Variants in TRDMT1 observed in about 807,000 individuals in gnomAD.
TRDMT1 encodes the protein tRNA aspartic acid methyltransferase 1.
TRDMT1 carries 49 observed loss-of-function variants against 51.2 expected under a neutral mutation model. The ratio of observed to expected loss-of-function variants is 0.96; its 90% CI spans 0.76 to 1.21. The LOEUF (loss-of-function observed/expected upper bound fraction) is 1.21, where lower values mean the gene tolerates loss of function less well. TRDMT1 is among the 50% of genes most tolerant of loss of function. TRDMT1 has a pLI of 0.00. For missense variants in TRDMT1, 534 were observed against 462.3 expected, an observed-to-expected ratio of 1.16 and a Z score of -1.42; for synonymous variants, 187 against 164.6, an observed-to-expected ratio of 1.14 and a Z score of -1.04.
chr10:17,183,668 C>T (rs763620824), intron 1 of TRDMT1, among the ~76,000 whole-genome samples: 1 of 152,174 alleles, frequency 6.6e-6, no homozygotes, highest in Non-Finnish European at 1.5e-5. Context: ...CCACCTGCCT[C>T]GGCCTCCCAA....
At chr10:17,154,783 G>T in intron 8 of TRDMT1, 49 bp from the exon 9 acceptor site, 1 of 1,488,580 alleles carries the variant, frequency 6.7e-7, no homozygotes, top group Non-Finnish European at 9.2e-7. Flanking sequence ...ATGTGTTAAT[G>T]CTAAATTTCT....
intron 3 of TRDMT1, among the ~76,000 whole-genome samples, chr10:17,168,416 T>C (rs1421481390): frequency 6.6e-6 from 1 of 152,226 alleles, no homozygotes; most frequent in Non-Finnish European, 1.5e-5. Flanking sequence ...TGTCCATGTT[T>C]GACACTACAG....
intron 7 of TRDMT1, among the ~76,000 whole-genome samples, chr10:17,158,275 TGGGAAAA>T (rs1564569119): frequency 1.3e-5 from 2 of 152,122 alleles, no homozygotes; most frequent in Non-Finnish European, 2.9e-5. Flanking sequence ...ATGAGTCCTA[TGGGAAAA>T]ACTTGTTTCT....
intron 10 of TRDMT1, chr10:17,151,385 G>A (rs912617847): frequency 3.8e-5 from 37 of 984,244 alleles, no homozygotes; most frequent in African/African-American, 1.0e-4. Flanking sequence ...GCCCGCTACC[G>A]CAGAATACAC....
Position 17,143,985 on chromosome 10 carries a change from A to C in TRDMT1, c.*5055T>G. 1.0e-6 allele frequency: 1 copy of C among 985,470 alleles called. No homozygotes were observed. Among genetic ancestry groups the C allele is most frequent in the Non-Finnish European group, 1.2e-6 (1 of 829,944 alleles). 61.0% of individuals were successfully genotyped at this position (985,470 alleles called of 1,614,324 possible). ...AAAAATGTCCCAGCATGAAGATTCT[A>C]GAATAGGACTTAGGAAAACAGCAGA... On this transcript the variant is annotated 3_prime_UTR_variant, in exon 11 of 11. Coordinates refer to ENST00000377799, the MANE Select transcript of TRDMT1 (RefSeq NM_004412.7).
chr10:17,154,557 A>G, intron 9 of TRDMT1, 120 bp downstream of exon 9: 1 of 522,568 alleles, frequency 1.9e-6, no homozygotes, highest in Non-Finnish European at 3.1e-6. Context: ...ATACATATGA[A>G]TGAATAAAAT....
chr10:17,193,864 G>A (rs1384218138), intron 1 of TRDMT1, among the ~76,000 whole-genome samples: 1 of 152,118 alleles, frequency 6.6e-6, no homozygotes, highest in Non-Finnish European at 1.5e-5. Flanking sequence ...GCAATCCTAA[G>A]CAAAAAGAAC....
intron 5 of TRDMT1, among the ~76,000 whole-genome samples, chr10:17,160,951 C>T (rs1022895733): frequency 2.0e-5 from 3 of 151,736 alleles, no homozygotes; most frequent in Middle Eastern, 3.4e-3. Context: ...GTCAGAATTG[C>T]TAATCTAGTG....
At chr10:17,178,677 G>GAA (rs3054721) in intron 1 of TRDMT1, among the ~76,000 whole-genome samples, 13 of 104,024 alleles carry the variant, frequency 1.2e-4, no homozygotes, top group African/African-American at 3.2e-4. Context: ...CTCTGTCTCG[G>GAA]AAAAAAAAAA....
Position 17,201,652 on chromosome 10 carries a change from C to T in TRDMT1, c.-18G>A. The T allele has an allele frequency of 6.5e-7, 1 of 1,539,138 alleles. No homozygotes were observed. Reference sequence around the variant, plus strand: ...GGCTCCATCCCCGCGCCTCAGCCGCCGCAGCCCCGGAGCTAGGCCTGCCGG... The same window carrying T: ...GGCTCCATCCCCGCGCCTCAGCCGCTGCAGCCCCGGAGCTAGGCCTGCCGG... On this transcript the variant is annotated 5_prime_UTR_variant, in exon 1 of 11. Coordinates refer to ENST00000377799, the MANE Select transcript of TRDMT1 (RefSeq NM_004412.7).
chr10:17,188,095 C>A (rs1006040025), intron 1 of TRDMT1, among the ~76,000 whole-genome samples: 2 of 149,014 alleles, frequency 1.3e-5, no homozygotes, highest in African/African-American at 2.5e-5. Flanking sequence ...GTTTTTTGAA[C>A]TTTTTTTTAA....
intron 7 of TRDMT1, 122 bp downstream of exon 7, chr10:17,159,024 T>A (rs893478101): frequency 3.5e-6 from 2 of 574,230 alleles, no homozygotes; most frequent in East Asian, 6.6e-5. Flanking sequence ...TGGTCTATAC[T>A]TTAGATTCTA....
rs1837837494 is a variant in TRDMT1, at chr10:17,143,351, A to G, written c.*5689T>C. On this transcript the variant is annotated 3_prime_UTR_variant, in exon 11 of 11. Coordinates refer to ENST00000377799, the MANE Select transcript of TRDMT1 (RefSeq NM_004412.7). ...GTTTACATTCTCTAAAACATGAAAC[A>G]TTTTCCATTTTTAAAACTCAGATCG... is the stretch of plus-strand genomic sequence containing the variant. The G allele has an allele frequency of 1.0e-6, 1 of 985,294 alleles. No homozygotes were observed. Among genetic ancestry groups the G allele is most frequent in the African/African-American group, 1.7e-5 (1 of 57,224 alleles). The allele number at this position is 985,294 out of a possible 1,614,324, so 61.0% of individuals were successfully genotyped here.
At chr10:17,169,623 C>T (rs894029137) in intron 2 of TRDMT1, 3 of 888,452 alleles carry the variant, frequency 3.4e-6, no homozygotes, top group African/African-American at 3.5e-5. Flanking sequence ...ACATCTTTAG[C>T]TAGAAACTTA....
At chr10:17,184,069 A>C (rs543820840) in intron 1 of TRDMT1, among the ~76,000 whole-genome samples, 5 of 152,360 alleles carry the variant, frequency 3.3e-5, no homozygotes, top group African/African-American at 1.2e-4. Flanking sequence ...CGCCCAAAAA[A>C]TGTAGAGCTG....
chr10:17,144,973 C>T lies in TRDMT1; in HGVS notation c.*4067G>A, dbSNP rs1041745772. The T allele has an allele frequency of 1.1e-4, 112 of 985,226 alleles. No individual in the cohort carries two copies. The African/African-American group carries it at 1.5e-3, about 13-fold the overall frequency. 61.0% of individuals were successfully genotyped at this position (985,226 alleles called of 1,614,324 possible). A position where few individuals can be genotyped will look rare whatever the true frequency, so the allele number is the denominator to read the frequency against. Reference sequence around the variant, plus strand: ...AAAAAACATGCAAAGGGAGGCTGGGCGTGGTGGCTCATGCCTGTAAAACCC... The same window carrying T: ...AAAAAACATGCAAAGGGAGGCTGGGTGTGGTGGCTCATGCCTGTAAAACCC... On this transcript the variant is annotated 3_prime_UTR_variant, in exon 11 of 11. Coordinates refer to ENST00000377799, the MANE Select transcript of TRDMT1 (RefSeq NM_004412.7).
In TRDMT1 at chr10:17,147,890, A is replaced by G; in HGVS notation, c.*1150T>C. On this transcript the variant is annotated 3_prime_UTR_variant, in exon 11 of 11. Transcript: ENST00000377799. ...GTTGAATTTTGTGACGAACCTCCAT[A>G]GCGTTTTCCAACAGCAGCTGAACCA... The G allele has an allele frequency of 3.1e-6, 2 of 647,932 alleles. No individual in the cohort carries two copies. Among genetic ancestry groups the G allele is most frequent in the Non-Finnish European group, 3.8e-6 (2 of 521,922 alleles). The allele number at this position is 647,932 out of a possible 1,614,324, so 40.1% of individuals were successfully genotyped here.
chr10:17,175,201 A>T (rs1412023210), intron 1 of TRDMT1, among the ~76,000 whole-genome samples: 1 of 152,224 alleles, frequency 6.6e-6, no homozygotes, highest in East Asian at 1.9e-4. Context: ...AAGTTTTTAA[A>T]TGAGATGAAC....
Position 17,153,588 on chromosome 10 carries a change from T to G in TRDMT1, c.994A>C (p.Ile332Leu). ...SLTNLSQEEQ[I>L]TKLLILKLRY... ...AGTTTAAGTATTAACAGCTTTGTTATCTGTTCTTCTTGTGACAAATTGGTA... is the reference window on the plus strand; with the variant it reads ...AGTTTAAGTATTAACAGCTTTGTTAGCTGTTCTTCTTGTGACAAATTGGTA... The change falls in exon 10 of 11, where the codon ATA (isoleucine) becomes CTA (leucine). Residue 332 changes from isoleucine (I) to leucine (L), a missense_variant. Physicochemically the swap from Ile to Leu is conservative, Grantham distance 5 (BLOSUM62 2). Transcript: ENST00000377799. The G allele has an allele frequency of 6.2e-7, 1 of 1,609,800 alleles. No individual in the cohort carries two copies. Among genetic ancestry groups the G allele is most frequent in the Non-Finnish European group, 8.5e-7 (1 of 1,178,388 alleles).
Sources: allele counts gnomAD v4.1 joint callset (sites outside exome capture counted in the v4.1 genomes callset), GRCh38; gene constraint gnomAD v4.1.1; transcripts MANE v1.5; gene names NCBI Gene and HGNC (gene_info 2026-07-23, HGNC 2026-07-21).